The following KNTC1 variants were observed in gnomAD, a reference collection of about 807,000 sequenced individuals.
KNTC1 encodes kinetochore-associated protein 1.
A neutral mutation model predicts 314.4 loss-of-function variants in KNTC1; 253 were observed. That is an observed-to-expected ratio of 0.80 (90% CI 0.73 to 0.89). The LOEUF (loss-of-function observed/expected upper bound fraction) is 0.89, where lower values mean the gene tolerates loss of function less well. Ranked by LOEUF, KNTC1 falls within the 40% of genes least tolerant of loss-of-function variation. KNTC1 has a pLI of 0.00. For missense variants in KNTC1, 2,475 were observed against 2,572.9 expected (o/e 0.96, Z 0.82); for synonymous variants, 901 against 901.4 (o/e 1.00, Z 0.01).
chr12:122,617,967 T>C (rs1873949268), intron 57 of KNTC1, among the ~76,000 whole-genome samples: 1 of 152,224 alleles, frequency 6.6e-6, no homozygotes, highest in Non-Finnish European at 1.5e-5. Flanking sequence ...ATCACCATTA[T>C]CTAATTTCAG....
At chr12:122,549,563 A>G (rs1322758715) in intron 12 of KNTC1, among the ~76,000 whole-genome samples, 1 of 151,762 alleles carries the variant, frequency 6.6e-6, no homozygotes, top group Non-Finnish European at 1.5e-5. Flanking sequence ...ACAGGGTTTC[A>G]CTGTGTTGCC....
chr12:122,542,164 G>T, intron 6 of KNTC1, 37 bp downstream of exon 6: 1 of 1,303,482 alleles, frequency 7.7e-7, no homozygotes, highest in Non-Finnish European at 1.0e-6. Flanking sequence ...TTGATTTGCA[G>T]CAATATTTAC....
intron 10 of KNTC1, 82 bp downstream of exon 10, chr12:122,546,756 T>TAAAA: frequency 1.2e-6 from 1 of 849,054 alleles, no homozygotes; most frequent in Non-Finnish European, 1.9e-6. Flanking sequence ...GCAAGGGTTT[T>TAAAA]AGCTAGGGTG....
rs1408375549 is a variant in KNTC1, at chr12:122,614,979, T to G, written c.5878-12T>G. 1 of 1,605,250 alleles carries G rather than the reference T, an allele frequency of 6.2e-7. No individual in the cohort carries two copies. The highest frequency in any genetic ancestry group is 2.2e-5 in the East Asian group (1 of 44,804). ...TTGGAATAGCATGATTTTTTTCTTTTTTTGGCTTCAGGCAGTAAGATTGGT... is the reference window on the plus strand; with the variant it reads ...TTGGAATAGCATGATTTTTTTCTTTGTTTGGCTTCAGGCAGTAAGATTGGT... On this transcript the variant is annotated splice_polypyrimidine_tract_variant and intron_variant, in intron 55 of 63. Transcript: ENST00000333479.
At chr12:122,553,647 C>G (rs373841999) in intron 16 of KNTC1, among the ~76,000 whole-genome samples, 14 of 152,142 alleles carry the variant, frequency 9.2e-5, no homozygotes, top group Admixed American at 7.2e-4. Context: ...AGTGTAATGG[C>G]TCAGATGACT....
rs1441638768 is a variant in KNTC1 at position 122,571,012 on chromosome 12, A to G, written c.1918-13A>G. 1.2e-6 allele frequency: 2 copies of G among 1,611,504 alleles called. No homozygotes were observed. The highest frequency in any genetic ancestry group is 2.7e-5 in the African/African-American group (2 of 74,886). On this transcript the variant is annotated splice_polypyrimidine_tract_variant and intron_variant, in intron 23 of 63. Coordinates refer to ENST00000333479, the MANE Select transcript of KNTC1 (RefSeq NM_014708.6). ...AAAACATTGTTTTGAACTGTCTGTAATCTTTTTTAAAGGCAAATTGGCCAG... is the reference window on the plus strand; with the variant it reads ...AAAACATTGTTTTGAACTGTCTGTAGTCTTTTTTAAAGGCAAATTGGCCAG...
intron 52 of KNTC1, 135 bp downstream of exon 52, chr12:122,609,565 G>C (rs1362384060): frequency 3.4e-6 from 2 of 593,918 alleles, no homozygotes; most frequent in East Asian, 6.1e-5. Flanking sequence ...AGATGAATCA[G>C]TTCACTAATA....
chr12:122,595,764 C>A (rs1870947961), intron 43 of KNTC1, among the ~76,000 whole-genome samples: 1 of 152,188 alleles, frequency 6.6e-6, no homozygotes, highest in Non-Finnish European at 1.5e-5. Flanking sequence ...CTGCTAGATT[C>A]TTCTGTGATG....
intron 13 of KNTC1, among the ~76,000 whole-genome samples, chr12:122,550,384 A>G (rs10847170): frequency 0.31 from 47,149 of 152,036 alleles, 8,857 homozygotes; most frequent in Admixed American, 0.4. Context: ...ATACAGTATT[A>G]TTTATTATAA....
At chr12:122,546,601 A>ATCTTAT in intron 9 of KNTC1, 21 bp from the exon 10 acceptor site, 1 of 1,502,510 alleles carries the variant, frequency 6.7e-7, no homozygotes, top group South Asian at 1.2e-5. Flanking sequence ...ATCCTGAGAC[A>ATCTTAT]TCTTATTTTC....
chr12:122,531,095 T>C (rs1961277918), intron 2 of KNTC1, among the ~76,000 whole-genome samples: 1 of 152,076 alleles, frequency 6.6e-6, no homozygotes, highest in Non-Finnish European at 1.5e-5. Context: ...AAATGGAATC[T>C]GACAGATAAG....
In KNTC1 at chr12:122,612,972, C is replaced by G. The variant is rs75179611; in HGVS notation, c.5623-140C>G. 3 of 629,216 alleles carry G rather than the reference C, an allele frequency of 4.8e-6. No individual in the cohort carries two copies. The East Asian group carries it at 8.0e-5, about 17-fold the overall frequency. The allele number at this position is 629,216 out of a possible 1,614,324, so 39.0% of individuals were successfully genotyped here. A position where few individuals can be genotyped will look rare whatever the true frequency, so the allele number is the denominator to read the frequency against. On this transcript the variant is annotated intron_variant, in intron 53 of 63. Coordinates refer to ENST00000333479, the MANE Select transcript of KNTC1 (RefSeq NM_014708.6). ...GACCACATGTTAAGAACCACTGTTA[C>G]ACACAGTGCGTTCCGTAACTGTAGA... is the stretch of plus-strand genomic sequence containing the variant.
chr12:122,596,372 C>G (rs1264429453), intron 43 of KNTC1, among the ~76,000 whole-genome samples: 1 of 151,852 alleles, frequency 6.6e-6, no homozygotes, highest in Non-Finnish European at 1.5e-5. Context: ...CGTGAGCCAC[C>G]ATGCCTGGCC....
rs1163057379 is a variant in KNTC1 at position 122,604,168 on chromosome 12, C to CT, written c.5102-372dup. Among the ~76,000 whole-genome samples, 768 of 100,260 alleles carry CT rather than the reference C, an allele frequency of 7.7e-3. 2 individuals carry two copies. The highest frequency in any genetic ancestry group is 0.015 in the Middle Eastern group (3 of 202). 65.8% of individuals were successfully genotyped at this position (100,260 alleles called of 152,430 possible). On this transcript the variant is annotated intron_variant, in intron 48 of 63. Transcript: ENST00000333479. ...AATCTGATGAGAGGGCCCCGGTGGG[C>CT]TTTTTTTTTTTTTTTTTTTTTTTTA...
intron 59 of KNTC1, 23 bp downstream of exon 59, chr12:122,618,568 CAA>C (rs376934174): frequency 1.2e-3 from 1,607 of 1,293,540 alleles, no homozygotes; most frequent in Non-Finnish European, 1.4e-3. Flanking sequence ...TTTGTTCTAC[CAA>C]AAAAAAAAAA....
intron 43 of KNTC1, among the ~76,000 whole-genome samples, chr12:122,594,738 T>C (rs1386019813): frequency 6.6e-6 from 1 of 152,188 alleles, no homozygotes; most frequent in East Asian, 1.9e-4. Context: ...ATCAGAAAAG[T>C]TGGAGAATAT....
intron 20 of KNTC1, among the ~76,000 whole-genome samples, chr12:122,563,203 C>T (rs918928006): frequency 1.3e-5 from 2 of 152,010 alleles, no homozygotes; most frequent in Non-Finnish European, 2.9e-5. Context: ...CAGGGTCTCA[C>T]TCTGTCACCC....
chr12:122,548,341 C>T (rs2137756514), intron 12 of KNTC1, among the ~76,000 whole-genome samples: 1 of 152,206 alleles, frequency 6.6e-6, no homozygotes, highest in African/African-American at 2.4e-5. Flanking sequence ...TCCCAAGTAG[C>T]TGGGATTACA....
intron 31 of KNTC1, among the ~76,000 whole-genome samples, chr12:122,579,277 G>A (rs1965240444): frequency 6.6e-6 from 1 of 151,046 alleles, no homozygotes; most frequent in Non-Finnish European, 1.5e-5. Context: ...TTTTAGCCGG[G>A]ATGGTCTCGA....
Sources: allele counts gnomAD v4.1 joint callset (sites outside exome capture counted in the v4.1 genomes callset), GRCh38; gene constraint gnomAD v4.1.1; transcripts MANE v1.5; gene names NCBI Gene and HGNC (gene_info 2026-07-23, HGNC 2026-07-21).